METTL15: variants seen among roughly 807,000 people sequenced by gnomAD.
METTL15 encodes 12S rRNA N(4)-cytidine methyltransferase METTL15.
Under a neutral mutation model 38.3 loss-of-function variants are expected in METTL15, and 34 were observed. The observed-to-expected ratio is 0.89, with a 90% confidence interval of 0.68 to 1.18. The LOEUF (loss-of-function observed/expected upper bound fraction) is 1.18. Among genes scored for constraint, METTL15 ranks in the 50% most tolerant of loss-of-function variants. The pLI is 0.00. For missense variants in METTL15, 438 were observed against 498.4 expected, an observed-to-expected ratio of 0.88 and a Z score of 1.15; for synonymous variants, 162 against 170.9, an observed-to-expected ratio of 0.95 and a Z score of 0.41.
At chr11:28,339,297 T>C (rs1849928870) in intron 3 of METTL15, among the ~76,000 whole-genome samples, 1 of 151,918 alleles carries the variant, frequency 6.6e-6, no homozygotes, top group Admixed American at 6.6e-5. Flanking sequence ...AGAATACATA[T>C]AATAAAAAAG....
At chr11:28,487,578 C>G (rs1402489474) in intron 6 of METTL15, among the ~76,000 whole-genome samples, 2 of 152,084 alleles carry the variant, frequency 1.3e-5, no homozygotes, top group Non-Finnish European at 2.9e-5. Context: ...ATTTCTATTA[C>G]ATTTCTCCTA....
At chr11:28,294,185 G>A (rs1856639967) in intron 5 of METTL15, among the ~76,000 whole-genome samples, 1 of 152,204 alleles carries the variant, frequency 6.6e-6, no homozygotes, top group African/African-American at 2.4e-5. Context: ...GATATTGGCT[G>A]TGGGTTTGTC....
intron 5 of METTL15, among the ~76,000 whole-genome samples, chr11:28,419,051 G>T (rs1318757028): frequency 1.3e-5 from 2 of 152,190 alleles, no homozygotes; most frequent in African/African-American, 4.8e-5. Context: ...TGGACTTGGG[G>T]GAGCATGCGA....
At chr11:28,445,975 C>T (rs529608441) in intron 6 of METTL15, among the ~76,000 whole-genome samples, 6 of 152,120 alleles carry the variant, frequency 3.9e-5, no homozygotes, top group African/African-American at 1.2e-4. Flanking sequence ...ATATTGTGTC[C>T]CTGAATTTGG....
chr11:28,414,346 G>A (rs562635558), intron 5 of METTL15, among the ~76,000 whole-genome samples: 42 of 152,024 alleles, frequency 2.8e-4, no homozygotes, highest in African/African-American at 7.7e-4. Context: ...TTCTCTTTCC[G>A]AACCTGTTCA....
At chr11:28,456,985 A>G (rs555226706) in intron 6 of METTL15, among the ~76,000 whole-genome samples, 1 of 152,332 alleles carries the variant, frequency 6.6e-6, no homozygotes, top group East Asian at 1.9e-4. Flanking sequence ...ACCCTGTCTG[A>G]ATTCTTGGCC....
intron 6 of METTL15, among the ~76,000 whole-genome samples, chr11:28,312,858 A>G (rs1265164249): frequency 6.6e-6 from 1 of 152,160 alleles, no homozygotes; most frequent in Non-Finnish European, 1.5e-5. Context: ...TCATGAGGAC[A>G]GTCTCATGAC....
chr11:28,467,556 G>C (rs28613086), intron 6 of METTL15, among the ~76,000 whole-genome samples: 3,047 of 152,194 alleles, frequency 0.02, 65 homozygotes, highest in African/African-American at 0.058. Flanking sequence ...CCTCAACACA[G>C]TCCTTGCATC....
chr11:28,440,216 A>G (rs1851022320), intron 6 of METTL15, among the ~76,000 whole-genome samples: 1 of 152,172 alleles, frequency 6.6e-6, no homozygotes, highest in African/African-American at 2.4e-5. Context: ...GTTACTAGAT[A>G]TAGAGGGAAC....
intron 6 of METTL15, among the ~76,000 whole-genome samples, chr11:28,475,636 G>A (rs901472400): frequency 1.6e-4 from 25 of 152,238 alleles, no homozygotes; most frequent in African/African-American, 4.8e-4. Flanking sequence ...CTAGTGTTAT[G>A]TTCTGTTCAG....
At chr11:28,387,469 A>G (rs996233245) in intron 5 of METTL15, among the ~76,000 whole-genome samples, 1 of 152,026 alleles carries the variant, frequency 6.6e-6, no homozygotes. Context: ...TTACAGAACC[A>G]TGCAAACTAC....
intron 3 of METTL15, among the ~76,000 whole-genome samples, chr11:28,152,005 C>A (rs980419951): frequency 6.6e-6 from 1 of 151,962 alleles, no homozygotes; most frequent in Non-Finnish European, 1.5e-5. Context: ...CAATTCCCAG[C>A]GTGAGTGCCT....
intron 3 of METTL15, among the ~76,000 whole-genome samples, chr11:28,182,441 A>G (rs1227483732): frequency 6.6e-6 from 1 of 151,998 alleles, no homozygotes; most frequent in East Asian, 1.9e-4. Flanking sequence ...TATAAGGTGT[A>G]AGGAAGGGGT....
chr11:28,212,807 T>C (rs1335347830), intron 4 of METTL15, among the ~76,000 whole-genome samples: 1 of 152,186 alleles, frequency 6.6e-6, no homozygotes, highest in African/African-American at 2.4e-5. Context: ...CCAGTCATAC[T>C]TTACTGTCAT....
At chr11:28,482,862 A>G (rs927411789) in intron 6 of METTL15, among the ~76,000 whole-genome samples, 4 of 152,188 alleles carry the variant, frequency 2.6e-5, no homozygotes, top group Non-Finnish European at 5.9e-5. Flanking sequence ...TGTTTGAACT[A>G]TGATTCAGAG....
At chr11:28,222,887 G>T (rs1853306233) in intron 4 of METTL15, among the ~76,000 whole-genome samples, 1 of 152,116 alleles carries the variant, frequency 6.6e-6, no homozygotes, top group Admixed American at 6.5e-5. Context: ...TACAAAACTA[G>T]AGAGAAGACA....
At chr11:28,388,200 A>T (rs927399466) in intron 5 of METTL15, among the ~76,000 whole-genome samples, 1 of 152,120 alleles carries the variant, frequency 6.6e-6, no homozygotes, top group Non-Finnish European at 1.5e-5. Context: ...TAGTGCTGGA[A>T]GTCTTAGCCA....
intron 6 of METTL15, among the ~76,000 whole-genome samples, chr11:28,512,990 C>G (rs1380997004): frequency 6.6e-6 from 1 of 152,148 alleles, no homozygotes; most frequent in South Asian, 2.1e-4. Flanking sequence ...AGGGATTGGT[C>G]CTGCTTTCTC....
chr11:28,347,325 G>T (rs1304103749), intron 3 of METTL15, among the ~76,000 whole-genome samples: 1 of 152,166 alleles, frequency 6.6e-6, no homozygotes, highest in Non-Finnish European at 1.5e-5. Flanking sequence ...GGGGACTACT[G>T]TCATTTACTT....
Sources: gnomAD v4.1 joint callset for allele counts (sites outside exome capture counted in the v4.1 genomes callset) on GRCh38, gnomAD v4.1.1 for gene constraint, MANE v1.5 for transcripts, NCBI Gene and HGNC (gene_info 2026-07-23, HGNC 2026-07-21) for gene names.